The following KCNMA1 variants were observed in gnomAD, a reference collection of about 807,000 sequenced individuals.
KCNMA1 encodes Calcium-activated potassium channel subunit alpha-1.
In KCNMA1, 29 loss-of-function variants were observed where a neutral mutation model predicts 140.0. That is an observed-to-expected ratio of 0.21 (90% CI 0.15 to 0.28). KCNMA1 has a LOEUF of 0.28. Ranked by LOEUF, KCNMA1 falls within the 10% of genes least tolerant of loss-of-function variation. The pLI, the probability that KCNMA1 is intolerant of heterozygous loss-of-function variation, is 1.00. For synonymous variants in KCNMA1, 612 were observed against 611.9 expected (o/e 1.00, Z 0.00); for missense variants, 880 against 1,602.2 (o/e 0.55, Z 7.70).
chr10:77,370,049 G>GC (rs950765692), intron 2 of KCNMA1, among the ~76,000 whole-genome samples: 1 of 152,108 alleles, frequency 6.6e-6, no homozygotes, highest in East Asian at 1.9e-4. Context: ...ATGACATATT[G>GC]CCCCCCAAAA....
intron 20 of KCNMA1, among the ~76,000 whole-genome samples, chr10:76,965,778 G>A (rs2073680007): frequency 6.6e-6 from 1 of 152,124 alleles, no homozygotes; most frequent in Non-Finnish European, 1.5e-5. Context: ...ACTACTTATA[G>A]AGTTGTAGTT....
At position 76,969,640 on chromosome 10, in the gene KCNMA1, G is replaced by C. The variant is rs2075408176; in HGVS notation, c.2360+334C>G. ...GCAAACTAACCACACGAGTTTCTCTGATTGGTTACCGCCATCATTAGTGCC... is the reference window on the plus strand; with the variant it reads ...GCAAACTAACCACACGAGTTTCTCTCATTGGTTACCGCCATCATTAGTGCC... On this transcript the variant is annotated intron_variant, in intron 20 of 27. Coordinates refer to ENST00000286628, the MANE Select transcript of KCNMA1 (RefSeq NM_001161352.2). 2.0e-5 allele frequency among the ~76,000 whole-genome samples: 3 copies of C among 152,312 alleles called. No homozygotes were observed. The South Asian group carries it at 6.2e-4, about 32-fold the overall frequency.
rs371575312 is a variant in KCNMA1, at chr10:77,295,552, C to G, written c.541-44296G>C. ...ATCCCAGCACTTTGGGAGGCCGAGG[C>G]GGGTGGATCATGAGGTCAGGAGATC... On this transcript the variant is annotated intron_variant, in intron 2 of 27. Coordinates refer to ENST00000286628, the MANE Select transcript of KCNMA1 (RefSeq NM_001161352.2). Among the ~76,000 whole-genome samples, 359 of 151,606 alleles carry G rather than the reference C, an allele frequency of 2.4e-3. 3 individuals carry two copies. The highest frequency in any genetic ancestry group is 7.5e-3 in the African/African-American group (311 of 41,354).
chr10:77,025,258 A>G (rs1213738798), intron 16 of KCNMA1, among the ~76,000 whole-genome samples: 5 of 96,672 alleles, frequency 5.2e-5, no homozygotes, highest in African/African-American at 1.2e-4. Flanking sequence ...ATATATATAT[A>G]TATATATATA....
intron 27 of KCNMA1, among the ~76,000 whole-genome samples, chr10:76,888,862 C>T (rs561370190): frequency 8.2e-4 from 124 of 152,036 alleles, no homozygotes; most frequent in African/African-American, 2.8e-3. Flanking sequence ...GTCAGGAGTT[C>T]GAGACCAGCC....
intron 22 of KCNMA1, 41 bp downstream of exon 22, chr10:76,949,101 G>T: frequency 7.1e-7 from 1 of 1,413,900 alleles, no homozygotes; most frequent in Non-Finnish European, 1.0e-6. Context: ...TTTTGTGAAT[G>T]AAAAGAAGAA....
chr10:77,013,046 C>A (rs1176890750), intron 17 of KCNMA1, among the ~76,000 whole-genome samples: 1 of 152,200 alleles, frequency 6.6e-6, no homozygotes. Context: ...GTTGCCTTTA[C>A]CACTCCCAAC....
chr10:77,400,026 A>G (rs2096209666), intron 2 of KCNMA1, among the ~76,000 whole-genome samples: 1 of 152,260 alleles, frequency 6.6e-6, no homozygotes, highest in South Asian at 2.1e-4. Flanking sequence ...TGCATCAAGG[A>G]AAACAAATTA....
chr10:77,091,566 G>A (rs2096818759), intron 9 of KCNMA1: 2 of 152,236 alleles, frequency 1.3e-5, no homozygotes, highest in South Asian at 4.1e-4. Flanking sequence ...TGAAGAGACT[G>A]TATGTAGCAA....
chr10:77,630,551 C>T (rs1306229528), intron 1 of KCNMA1, among the ~76,000 whole-genome samples: 1 of 152,162 alleles, frequency 6.6e-6, no homozygotes, highest in African/African-American at 2.4e-5. Flanking sequence ...CTCCACCCAA[C>T]GATCTGGCAG....
rs765174812 is a variant in KCNMA1 at position 77,423,638 on chromosome 10, A to C, written c.379-19615T>G. 4.3e-4 allele frequency among the ~76,000 whole-genome samples: 66 copies of C among 152,272 alleles called. 1 individual carries two copies. The highest frequency in any genetic ancestry group is 5.3e-4 in the Non-Finnish European group (36 of 68,008). On this transcript the variant is annotated intron_variant, in intron 1 of 27. Coordinates refer to ENST00000286628, the MANE Select transcript of KCNMA1 (RefSeq NM_001161352.2). ...GGCCACAGGATGAAAAATCAGAGCCAAGTGAATGCCTTCTCTGCCTCTCCA... is the reference window on the plus strand; with the variant it reads ...GGCCACAGGATGAAAAATCAGAGCCCAGTGAATGCCTTCTCTGCCTCTCCA...
At chr10:76,894,335 G>A (rs116663917) in intron 25 of KCNMA1, among the ~76,000 whole-genome samples, 2,558 of 152,144 alleles carry the variant, frequency 0.017, 50 homozygotes, top group African/African-American at 0.057. Flanking sequence ...AACACAAAAG[G>A]GGTCAAAGAT....
chr10:77,242,899 T>TACACAC (rs199668848), intron 3 of KCNMA1, among the ~76,000 whole-genome samples: 8,923 of 111,300 alleles, frequency 0.08, 350 homozygotes, highest in East Asian at 0.27. Flanking sequence ...AATTGTTTCC[T>TACACAC]ACACACACAC....
intron 2 of KCNMA1, among the ~76,000 whole-genome samples, chr10:77,323,614 C>T (rs765907248): frequency 6.6e-6 from 1 of 152,168 alleles, no homozygotes; most frequent in Non-Finnish European, 1.5e-5. Context: ...TATTGAGCTG[C>T]AAGAGGAGTG....
At position 76,953,871 on chromosome 10, in the gene KCNMA1, T is replaced by C. The variant is rs1211672809; in HGVS notation, c.2414A>G (p.Asn805Ser). The C allele has an allele frequency of 1.9e-6, 3 of 1,613,922 alleles. No homozygotes were observed. The highest frequency in any genetic ancestry group is 2.2e-5 in the East Asian group (1 of 44,884). The change falls in exon 21 of 28, where the codon AAT becomes AGT. Residue 805 changes from asparagine to serine, a missense_variant. Physicochemically the swap from Asn to Ser is conservative, Grantham distance 46 (BLOSUM62 1). Transcript: ENST00000286628. ...CCCAGTAGAGTCGTACTTCTTCACA[T>C]TGGAGTCCATGTTGTCAATCTGATC... Reference protein sequence around the residue: ...GNDQIDNMDSNVKKYDSTGMF... With the variant: ...GNDQIDNMDSSVKKYDSTGMF...
intron 6 of KCNMA1, among the ~76,000 whole-genome samples, chr10:77,118,593 A>G (rs2097532467): frequency 6.6e-6 from 1 of 152,160 alleles, no homozygotes; most frequent in Non-Finnish European, 1.5e-5. Flanking sequence ...ATCTTCCTTG[A>G]TTAGAAGTCA....
At chr10:76,982,032 G>C (rs2153231066) in intron 19 of KCNMA1, among the ~76,000 whole-genome samples, 1 of 152,244 alleles carries the variant, frequency 6.6e-6, no homozygotes, top group Admixed American at 6.5e-5. Context: ...CCTTTCCTGG[G>C]GGGATGAGCA....
intron 1 of KCNMA1, among the ~76,000 whole-genome samples, chr10:77,623,206 C>T (rs2091828764): frequency 6.6e-6 from 1 of 152,174 alleles, no homozygotes; most frequent in Non-Finnish European, 1.5e-5. Flanking sequence ...GAGAGATTTG[C>T]ATGATAACAT....
downstream of KCNMA1, chr10:76,884,091 T>C (rs2151584087): frequency 2.0e-6 from 1 of 506,552 alleles, no homozygotes; most frequent in Non-Finnish European, 2.6e-6. Context: ...TATCATCTCA[T>C]TGGAGTTGCT....
Sources: gnomAD v4.1 joint callset for allele counts (sites outside exome capture counted in the v4.1 genomes callset) on GRCh38, gnomAD v4.1.1 for gene constraint, MANE v1.5 for transcripts, NCBI Gene and HGNC (gene_info 2026-07-23, HGNC 2026-07-21) for gene names.